ENTPD2: variants seen among roughly 807,000 people sequenced by gnomAD.
ENTPD2 encodes the protein CD39 antigen-like 1.
In ENTPD2, 48 loss-of-function variants were observed where a neutral mutation model predicts 46.8. The observed-to-expected ratio is 1.03, with a 90% confidence interval of 0.81 to 1.30. ENTPD2 has a LOEUF of 1.30. ENTPD2 is among the 50% of genes most tolerant of loss of function. ENTPD2 has a pLI of 0.00. For missense variants in ENTPD2, 707 were observed against 651.1 expected (o/e 1.09, Z -0.93); for synonymous variants, 316 against 286.1 (o/e 1.10, Z -1.06).
At position 137,050,482 on chromosome 9, in the gene ENTPD2, C is replaced by T. The variant is rs1428983525; in HGVS notation, c.831G>A (p.Gly277=). 6.2e-6 allele frequency: 10 copies of T among 1,612,732 alleles called. No homozygotes were observed. The African/African-American group carries it at 8.0e-5, about 13-fold the overall frequency. ...TGGTGCATGGTGACTGGTACACATC[C>T]CCGAGCAGCACTTGGGTGGAAAAGC... ...PRGFSTQVLL[G]DVYQSPCTMA... The change falls in exon 6 of 9, where the codon GGG becomes GGA. Residue 277 remains glycine, a synonymous_variant. Coordinates refer to ENST00000355097, the MANE Select transcript of ENTPD2 (RefSeq NM_203468.3).
At chr9:137,048,914 G>GGCCCC in intron 8 of ENTPD2, 27 bp downstream of exon 8, 10 of 1,471,926 alleles carry the variant, frequency 6.8e-6, no homozygotes, top group South Asian at 1.3e-5. Context: ...CGCAAGGTCG[G>GGCCCC]CCCCGCCCCG....
intron 2 of ENTPD2, 69 bp downstream of exon 2, chr9:137,052,162 T>C: frequency 7.0e-7 from 1 of 1,425,204 alleles, no homozygotes; most frequent in Admixed American, 1.7e-5. Flanking sequence ...CTGCACTGGC[T>C]AAGGCTGGAG....
intron 1 of ENTPD2, chr9:137,053,487 C>G (rs1452785955): frequency 6.0e-6 from 1 of 167,858 alleles, no homozygotes. Context: ...TCCGGGGCGG[C>G]GGCACAGGGC....
chr9:137,054,042 G>A lies in ENTPD2; in HGVS notation c.-45C>T, dbSNP rs1243859668. ...AGGACGATGCGTGGACCCGGAGAGTGCGGGGAGCCGGAGGCGGAGGCGGGC... is the reference window on the plus strand; with the variant it reads ...AGGACGATGCGTGGACCCGGAGAGTACGGGGAGCCGGAGGCGGAGGCGGGC... On this transcript the variant is annotated 5_prime_UTR_variant, in exon 1 of 9. Transcript: ENST00000355097. 8.6e-7 allele frequency: 1 copy of A among 1,166,358 alleles called. No individual in the cohort carries two copies. Among genetic ancestry groups the A allele is most frequent in the Non-Finnish European group, 1.1e-6 (1 of 937,246 alleles). The allele number at this position is 1,166,358 out of a possible 1,614,324, so 72.3% of individuals were successfully genotyped here. A position where few individuals can be genotyped will look rare whatever the true frequency, so the allele number is the denominator to read the frequency against.
Position 137,051,445 on chromosome 9 carries a change from C to T in ENTPD2, c.386+65G>A, listed in dbSNP as rs191540229. The T allele has an allele frequency of 1.2e-4, 189 of 1,542,590 alleles. 1 individual carries two copies. The highest frequency in any genetic ancestry group is 6.8e-4 in the Admixed American group (35 of 51,522). ...GCCTGCTGTAGGGGTGCTCGGAGTC[C>T]GCCCTGCAAGGGGTCACAGCCAAAG... On this transcript the variant is annotated intron_variant, in intron 3 of 8. Transcript: ENST00000355097.
rs145319457 is a variant in ENTPD2, at chr9:137,052,314, G to A, written c.152C>T (p.Thr51Met). Residue 51 changes from threonine (T) to methionine (M), a missense_variant, in exon 2 of 9, where the codon ACG becomes ATG. By Grantham distance (81) the Thr-to-Met change is moderately conservative. Coordinates refer to ENST00000355097, the MANE Select transcript of ENTPD2 (RefSeq NM_203468.3). ...CGGCCACTTGTAGATAAACATGGACGTGTGTGAAGAACCAGCGTCCAGGAC... is the reference window on the plus strand; with the variant it reads ...CGGCCACTTGTAGATAAACATGGACATGTGTGAAGAACCAGCGTCCAGGAC... ...GIVLDAGSSHTSMFIYKWPAD... is the reference protein window; with the variant it reads ...GIVLDAGSSHMSMFIYKWPAD... The A allele has an allele frequency of 3.5e-5, 56 of 1,611,554 alleles. No homozygotes were observed. The African/African-American group carries it at 4.5e-4, about 13-fold the overall frequency.
intron 7 of ENTPD2, 59 bp downstream of exon 7, chr9:137,049,811 T>TGCGGAG: frequency 6.4e-7 from 1 of 1,550,856 alleles, no homozygotes; most frequent in South Asian, 1.2e-5. Context: ...TGGGGAGGCA[T>TGCGGAG]GCGGAGGCGG....
rs566715987 is a variant in ENTPD2, at chr9:137,048,970, C to A, written c.1255G>T (p.Ala419Ser). ...TTCTGGAAGATCACGCCGCCGAAGG[C>A]GCGCTCGTCGAAGCCGTAGCCGCGA... is the stretch of plus-strand genomic sequence containing the variant. ...LSRGYGFDER[A>S]FGGVIFQKKA... is the part of the protein sequence containing the mutation. The change falls in exon 8 of 9, where the codon GCC becomes TCC. Residue 419 changes from alanine (A) to serine (S), a missense_variant. Transcript: ENST00000355097. 3 of 1,533,252 alleles carry A rather than the reference C, an allele frequency of 2.0e-6. No homozygotes were observed. The South Asian group carries it at 3.6e-5, about 18-fold the overall frequency. 95.0% of individuals were successfully genotyped at this position (1,533,252 alleles called of 1,614,324 possible).
At chr9:137,049,837 G>C (rs371960899) in intron 7 of ENTPD2, 33 bp downstream of exon 7, 4 of 1,590,586 alleles carry the variant, frequency 2.5e-6, no homozygotes, top group Non-Finnish European at 2.6e-6. Context: ...GAGCCCTTCC[G>C]CACAGCCCTG....
In ENTPD2 at chr9:137,052,450, C is replaced by CA. The variant is rs1040517130; in HGVS notation, c.118-103_118-102insT. The CA allele has an allele frequency of 3.9e-5, 34 of 874,432 alleles. 2 individuals are homozygous for CA. Among genetic ancestry groups the CA allele is most frequent in the Non-Finnish European group, 4.8e-5 (28 of 585,688 alleles). The allele number at this position is 874,432 out of a possible 1,614,324, so 54.2% of individuals were successfully genotyped here. ...TCCTCCAGTTTGCCACCGCTCCCCC[C>CA]CCCACCCAGTCATGTGCCAAGCCTC... On this transcript the variant is annotated intron_variant, in intron 1 of 8. Coordinates refer to ENST00000355097, the MANE Select transcript of ENTPD2 (RefSeq NM_203468.3).
Position 137,049,577 on chromosome 9 carries a change from G to C in ENTPD2, c.1149+293C>G, listed in dbSNP as rs529652240. On this transcript the variant is annotated intron_variant, in intron 7 of 8. Transcript: ENST00000355097. ...CCCAGACCCACTTCCATCTTCCCTTGTGTGGTACCATGGAGGGAACCAGTG... is the reference window on the plus strand; with the variant it reads ...CCCAGACCCACTTCCATCTTCCCTTCTGTGGTACCATGGAGGGAACCAGTG... 2.0e-3 allele frequency: 945 copies of C among 461,624 alleles called. 12 individuals are homozygous for C. The highest frequency in any genetic ancestry group is 0.017 in the African/African-American group (860 of 49,260). The allele number at this position is 461,624 out of a possible 1,614,324, so 28.6% of individuals were successfully genotyped here.
At chr9:137,052,515 C>G (rs187814786) in intron 1 of ENTPD2, 167 bp from the exon 2 acceptor site, 1 of 534,192 alleles carries the variant, frequency 1.9e-6, no homozygotes, top group Non-Finnish European at 3.4e-6. Flanking sequence ...CCTCTGAGGC[C>G]GTGGTTGGAA....
chr9:137,051,509 C>T lies in ENTPD2; in HGVS notation c.386+1G>A. 1 of 1,591,534 alleles carries T rather than the reference C, an allele frequency of 6.3e-7. No homozygotes were observed. The highest frequency in any genetic ancestry group is 8.6e-7 in the Non-Finnish European group (1 of 1,168,294). On this transcript the variant is annotated splice_donor_variant, in intron 3 of 8. Transcript: ENST00000355097. LOFTEE classifies it high-confidence loss of function. ...CAGGGCCAGGGCACAGGCACACTCA[C>T]TTGAGCAGGCGCATACCCGCTGTGG...
intron 7 of ENTPD2, 164 bp from the exon 8 acceptor site, chr9:137,049,239 C>G: frequency 8.3e-7 from 1 of 1,203,260 alleles, no homozygotes; most frequent in Non-Finnish European, 1.2e-6. Flanking sequence ...AGACCGAGTC[C>G]GAGGGGCACC....
rs1832355952 is a variant in ENTPD2 at position 137,054,043 on chromosome 9, C to A, written c.-46G>T. The A allele has an allele frequency of 2.6e-6, 3 of 1,136,680 alleles. No homozygotes were observed. The highest frequency in any genetic ancestry group is 7.6e-5 in the East Asian group (2 of 26,224). The allele number at this position is 1,136,680 out of a possible 1,614,324, so 70.4% of individuals were successfully genotyped here. ...GGACGATGCGTGGACCCGGAGAGTG[C>A]GGGGAGCCGGAGGCGGAGGCGGGCG... On this transcript the variant is annotated 5_prime_UTR_variant, in exon 1 of 9. Coordinates refer to ENST00000355097, the MANE Select transcript of ENTPD2 (RefSeq NM_203468.3).
chr9:137,049,938 GC>G lies in ENTPD2; in HGVS notation c.1080del (p.Leu361CysfsTer14), dbSNP rs749270902. 9 of 1,612,488 alleles carry G rather than the reference GC, an allele frequency of 5.6e-6. No homozygotes were observed. The highest frequency in any genetic ancestry group is 6.8e-6 in the Non-Finnish European group (8 of 1,179,822). On this transcript the variant is annotated frameshift_variant, in exon 7 of 9. Transcript: ENST00000355097. LOFTEE classifies it high-confidence loss of function. ...YTVDFLRTSM[G>X]LPVATLQQLE... ...AGCTGCTGCAGGGTGGCCACGGGCA[GC>G]CCCATCGAAGTCCGCAAAAAGTCCA...
At chr9:137,051,150 G>C (rs754814569) in intron 4 of ENTPD2, 21 bp from the exon 5 acceptor site, 185 of 1,612,258 alleles carry the variant, frequency 1.1e-4, no homozygotes, top group Non-Finnish European at 1.1e-4. Flanking sequence ...GGGAGTGTGG[G>C]GTCAACCAGG....
chr9:137,050,802 T>A, intron 5 of ENTPD2, 100 bp downstream of exon 5: 1 of 1,434,320 alleles, frequency 7.0e-7, no homozygotes, highest in Non-Finnish European at 9.5e-7. Context: ...TCCAGCCAAT[T>A]AAAGCCCAGC....
intron 2 of ENTPD2, 150 bp downstream of exon 2, chr9:137,052,081 A>G: frequency 1.4e-6 from 1 of 717,310 alleles, no homozygotes; most frequent in Non-Finnish European, 2.3e-6. Flanking sequence ...ACTCAGGCGC[A>G]GGGGCACCAG....
Sources: gnomAD v4.1 joint callset for allele counts on GRCh38, gnomAD v4.1.1 for gene constraint, MANE v1.5 for transcripts, NCBI Gene and HGNC (gene_info 2026-07-23, HGNC 2026-07-21) for gene names.